Variants in DLL1 observed in about 807,000 individuals in gnomAD.
DLL1 encodes the protein delta-like protein 1.
Under a neutral mutation model 75.1 loss-of-function variants are expected in DLL1, and 9 were observed. The observed-to-expected ratio is 0.12, with a 90% CI of 0.07 to 0.21. The LOEUF is 0.21. Among genes scored for constraint, DLL1 ranks in the 10% least tolerant of loss-of-function variants. The pLI, the probability that DLL1 is intolerant of heterozygous loss-of-function variation, is 1.00. For synonymous variants in DLL1, 477 were observed against 418.3 expected, an observed-to-expected ratio of 1.14 and a Z score of -1.71; for missense variants, 837 against 1,007.6, an observed-to-expected ratio of 0.83 and a Z score of 2.29.
rs1209309472 is a variant in DLL1, at chr6:170,284,040, G to A, written c.1250-11C>T. The A allele has an allele frequency of 3.8e-6, 6 of 1,559,448 alleles. No individual in the cohort carries two copies. The highest frequency in any genetic ancestry group is 3.7e-5 in the Admixed American group (2 of 53,880). ...CCACACACTTGGCACCTGGAACACA[G>A]GGACATGAACATCACGTGTCTCCTC... On this transcript the variant is annotated splice_polypyrimidine_tract_variant and intron_variant, in intron 8 of 10. Coordinates refer to ENST00000366756, the MANE Select transcript of DLL1 (RefSeq NM_005618.4).
intron 2 of DLL1, 78 bp from the exon 3 acceptor site, chr6:170,288,867 CA>C (rs1437079592): frequency 6.6e-7 from 1 of 1,521,232 alleles, no homozygotes; most frequent in African/African-American, 1.4e-5. Flanking sequence ...TCATTCCTAA[CA>C]GCCAGGTCAG....
Position 170,290,990 on chromosome 6 carries a change from C to T in DLL1, c.-851G>A. On this transcript the variant is annotated 5_prime_UTR_variant, in exon 1 of 11. Coordinates refer to ENST00000366756, the MANE Select transcript of DLL1 (RefSeq NM_005618.4). The surrounding 1 kb of genome is among the most constrained non-coding windows in gnomAD (Gnocchi z 4.7). ...GGCCGCCCGCATGGCTAATGAGATG[C>T]AAATCAGCAGCCCCCCAATCTGGCG... 1.4e-6 allele frequency: 1 copy of T among 701,744 alleles called. No individual in the cohort carries two copies. Among genetic ancestry groups the T allele is most frequent in the Admixed American group, 2.0e-5 (1 of 49,994 alleles). The allele number at this position is 701,744 out of a possible 1,614,324, so 43.5% of individuals were successfully genotyped here.
Position 170,283,371 on chromosome 6 carries a change from G to A in DLL1, c.1908C>T (p.Tyr636=), listed in dbSNP as rs1270860941. 4 of 1,611,978 alleles carry A rather than the reference G, an allele frequency of 2.5e-6. No homozygotes were observed. Among genetic ancestry groups the A allele is most frequent in the East Asian group, 2.2e-5 (1 of 44,870 alleles). Residue 636 remains tyrosine, a synonymous_variant, in exon 9 of 11, where the codon TAC becomes TAT. Transcript: ENST00000366756. ...SADKNGFKAR[Y]PAVDYNLVQD... is the part of the protein sequence containing the mutation. The stretch of plus-strand genomic sequence containing the variant: ...GCACGAGGTTATAGTCCACCGCTGG[G>A]TAGCGGGCCTTGAAGCCATTCTTGT...
At position 170,290,806 on chromosome 6, in the gene DLL1, G is replaced by A. The variant is rs1644351547; in HGVS notation, c.-667C>T. The A allele has an allele frequency of 1.7e-6, 1 of 599,896 alleles. No individual in the cohort carries two copies. Among genetic ancestry groups the A allele is most frequent in the Non-Finnish European group, 3.0e-6 (1 of 337,088 alleles). The allele number at this position is 599,896 out of a possible 1,614,324, so 37.2% of individuals were successfully genotyped here. On this transcript the variant is annotated 5_prime_UTR_variant, in exon 1 of 11. Coordinates refer to ENST00000366756, the MANE Select transcript of DLL1 (RefSeq NM_005618.4). The surrounding 1 kb of genome is among the most constrained non-coding windows in gnomAD (Gnocchi z 4.7). Reference sequence around the variant, plus strand: ...CGATGAATCCAGCCAATGCCATCCAGTACACACGCGCAGGACCGGAGGGGC... The same window carrying A: ...CGATGAATCCAGCCAATGCCATCCAATACACACGCGCAGGACCGGAGGGGC...
rs1330156340 is a variant in DLL1, at chr6:170,290,112, C to A, written c.28G>T (p.Ala10Ser). 6.3e-7 allele frequency: 1 copy of A among 1,592,432 alleles called. No homozygotes were observed. The highest frequency in any genetic ancestry group is 1.3e-5 in the African/African-American group (1 of 74,314). The change falls in exon 1 of 11, where the codon GCG becomes TCG. Residue 10 changes from alanine to serine, a missense_variant. This residue lies in a region of DLL1 where 304 missense variants were observed against 461.9 expected (regional missense o/e 0.66). Coordinates refer to ENST00000366756, the MANE Select transcript of DLL1 (RefSeq NM_005618.4). The surrounding 1 kb of genome is among the most constrained non-coding windows in gnomAD (Gnocchi z 4.7). Reference protein sequence around the residue: MGSRCALALAVLSALLCQVW... With the variant: MGSRCALALSVLSALLCQVW... The stretch of plus-strand genomic sequence containing the variant: ...TGACACAGCAAGGCCGAGAGCACCG[C>A]CAGGGCCAGCGCGCACCGACTGCCC...
rs376469758 is a variant in DLL1 at position 170,286,333 on chromosome 6, G to A, written c.671-35C>T. On this transcript the variant is annotated intron_variant, in intron 4 of 10. Coordinates refer to ENST00000366756, the MANE Select transcript of DLL1 (RefSeq NM_005618.4). ...AAGGAAAAACAGGGTCAAGCCCCAC[G>A]CCAAGTACGTCCCAACAGGGCTGCC... is the stretch of plus-strand genomic sequence containing the variant. 8.7e-6 allele frequency: 14 copies of A among 1,613,544 alleles called. No individual in the cohort carries two copies. In the African/African-American group the frequency reaches 1.5e-4, roughly 17 times the overall value.
intron 2 of DLL1, chr6:170,289,203 T>C (rs757081660): frequency 3.9e-5 from 25 of 646,760 alleles, no homozygotes; most frequent in Middle Eastern, 4.9e-4. Context: ...ACCAGAACCT[T>C]CCCACGTGAA....
At chr6:170,285,545 C>T in intron 6 of DLL1, 24 bp downstream of exon 6, 1 of 1,614,152 alleles carries the variant, frequency 6.2e-7, no homozygotes, top group Non-Finnish European at 8.5e-7. Context: ...AGGGAGCAGG[C>T]TGCCTCAGGG....
Position 170,283,376 on chromosome 6 carries a change from G to C in DLL1, c.1903C>G (p.Arg635Gly). 6.2e-7 allele frequency: 1 copy of C among 1,611,830 alleles called. No homozygotes were observed. Among genetic ancestry groups the C allele is most frequent in the Non-Finnish European group, 8.5e-7 (1 of 1,180,024 alleles). Residue 635 changes from arginine (R) to glycine (G), a missense_variant, in exon 9 of 11, where the codon CGC (arginine) becomes GGC (glycine). By Grantham distance (125) the Arg-to-Gly change is moderately radical. Around this residue, in one of 2 missense-constraint regions of DLL1, gnomAD observed 533 missense variants for 545.7 expected, o/e 0.98. Coordinates refer to ENST00000366756, the MANE Select transcript of DLL1 (RefSeq NM_005618.4). Reference sequence around the variant, plus strand: ...AGGTTATAGTCCACCGCTGGGTAGCGGGCCTTGAAGCCATTCTTGTCGGCG... The same window carrying C: ...AGGTTATAGTCCACCGCTGGGTAGCCGGCCTTGAAGCCATTCTTGTCGGCG... ...HSADKNGFKARYPAVDYNLVQ... is the reference protein window; with the variant it reads ...HSADKNGFKAGYPAVDYNLVQ...
rs1260553960 is a variant in DLL1, at chr6:170,282,992, G to A, written c.2162C>T (p.Thr721Ile). Reference protein sequence around the residue: ...SEEKDECVIATEV With the variant: ...SEEKDECVIAIEV The stretch of plus-strand genomic sequence containing the variant: ...GCGGCTGCTGCCTGCACTGACCTCA[G>A]TTGCTATGACGCACTCATCCTTCTC... The change falls in exon 10 of 11, where the codon ACT becomes ATT. Residue 721 changes from threonine to isoleucine, a missense_variant. Around this residue, in one of 2 missense-constraint regions of DLL1, gnomAD observed 533 missense variants for 545.7 expected, o/e 0.98. Coordinates refer to ENST00000366756, the MANE Select transcript of DLL1 (RefSeq NM_005618.4). 6.2e-7 allele frequency: 1 copy of A among 1,614,050 alleles called. No homozygotes were observed. The highest frequency in any genetic ancestry group is 1.3e-5 in the African/African-American group (1 of 74,932).
rs552627625 is a variant in DLL1, at chr6:170,283,365, C to T, written c.1914G>A (p.Ala638=). 2.2e-5 allele frequency: 36 copies of T among 1,612,244 alleles called. No individual in the cohort carries two copies. In the East Asian group the frequency reaches 5.8e-4, roughly 26 times the overall value. The part of the protein sequence containing the change: ...DKNGFKARYP[A]VDYNLVQDLK... ...GGTCCTGCACGAGGTTATAGTCCAC[C>T]GCTGGGTAGCGGGCCTTGAAGCCAT... Residue 638 remains alanine, a synonymous_variant, in exon 9 of 11, where the codon GCG becomes GCA. Transcript: ENST00000366756.
At chr6:170,285,769 A>G (rs1310175749) in intron 5 of DLL1, 70 bp from the exon 6 acceptor site, 5 of 1,600,898 alleles carry the variant, frequency 3.1e-6, no homozygotes, top group Non-Finnish European at 4.3e-6. Flanking sequence ...TTCTCACCCT[A>G]GAAACCATCT....
Position 170,284,957 on chromosome 6 carries a change from T to G in DLL1, c.1211A>C (p.Lys404Thr). 1 of 1,614,154 alleles carries G rather than the reference T, an allele frequency of 6.2e-7. No homozygotes were observed. The highest frequency in any genetic ancestry group is 1.1e-5 in the South Asian group (1 of 91,088). The change falls in exon 8 of 11, where the codon AAG becomes ACG. Residue 404 changes from lysine to threonine, a missense_variant. By Grantham distance (78) the Lys-to-Thr change is moderately conservative. This residue lies in a region of DLL1 where 533 missense variants were observed against 545.7 expected (regional missense o/e 0.98). Coordinates refer to ENST00000366756, the MANE Select transcript of DLL1 (RefSeq NM_005618.4). ...PVGYSGFNCE[K>T]KIDYCSSSPC... ...TGAAGAGCTGCAGTAGTCAATTTTC[T>G]TCTCACAGTTGAAGCCGGAGTAGCC...
intron 8 of DLL1, 41 bp downstream of exon 8, chr6:170,284,878 G>T (rs762825117): frequency 6.3e-7 from 1 of 1,596,382 alleles, no homozygotes; most frequent in Non-Finnish European, 8.6e-7. Flanking sequence ...AGTATTGACC[G>T]CTCGCCCGAG....
intron 2 of DLL1, 105 bp from the exon 3 acceptor site, chr6:170,288,894 G>A (rs568110459): frequency 7.8e-7 from 1 of 1,278,616 alleles, no homozygotes; most frequent in Non-Finnish European, 1.1e-6. Context: ...GAGGCCTGAA[G>A]GCTGCAGGTC....
In DLL1 at chr6:170,285,265, C is replaced by G. The variant is rs1227038102; in HGVS notation, c.1021G>C (p.Gly341Arg). Reference protein sequence around the residue: ...ECDPSPCKNGGSCTDLENSYS... With the variant: ...ECDPSPCKNGRSCTDLENSYS... ...AGCCTCCGACTCACCGTGCAGCTCC[C>G]TCCGTTCTTACAAGGGCTGGGGTCA... The change falls in exon 7 of 11, where the codon GGG (glycine) becomes CGG (arginine). Residue 341 changes from glycine to arginine, a missense_variant. By Grantham distance (125) the Gly-to-Arg change is moderately radical. Around this residue, in one of 2 missense-constraint regions of DLL1, gnomAD observed 533 missense variants for 545.7 expected, o/e 0.98. Coordinates refer to ENST00000366756, the MANE Select transcript of DLL1 (RefSeq NM_005618.4). The G allele has an allele frequency of 6.2e-7, 1 of 1,614,194 alleles. No individual in the cohort carries two copies. Among genetic ancestry groups the G allele is most frequent in the South Asian group, 1.1e-5 (1 of 91,084 alleles).
rs1301085452 is a variant in DLL1 at position 170,289,704 on chromosome 6, C to T, written c.159G>A (p.Pro53=). 1.3e-6 allele frequency: 2 copies of T among 1,548,308 alleles called. No individual in the cohort carries two copies. The highest frequency in any genetic ancestry group is 2.4e-5 in the East Asian group (1 of 40,906). The change falls in exon 2 of 11, where the codon CCG becomes CCA. Residue 53 remains proline (P), a synonymous_variant. Coordinates refer to ENST00000366756, the MANE Select transcript of DLL1 (RefSeq NM_005618.4). ...CGCGGAAGAAGGTCCGGCAGGCGCA[C>T]GGCGGTGGCCCCGCGCCCCCGCGGC... ...NCCRGGAGPP[P]CACRTFFRVC... is the part of the protein sequence containing the mutation.
Position 170,282,681 on chromosome 6 carries a change from C to T in DLL1, c.*193G>A. The T allele has an allele frequency of 2.4e-6, 2 of 823,024 alleles. No homozygotes were observed. The highest frequency in any genetic ancestry group is 3.0e-5 in the South Asian group (2 of 65,832). 51.0% of individuals were successfully genotyped at this position (823,024 alleles called of 1,614,324 possible). A position where few individuals can be genotyped will look rare whatever the true frequency, so the allele number is the denominator to read the frequency against. On this transcript the variant is annotated 3_prime_UTR_variant, in exon 11 of 11. Transcript: ENST00000366756. ...GGCGACGTCACGGAAGGCAGTGCCG[C>T]AGGCGGCCGGGCCGCGACAGGCTGT...
chr6:170,284,065 C>A (rs369260528), intron 8 of DLL1, 36 bp from the exon 9 acceptor site: 2 of 1,538,710 alleles, frequency 1.3e-6, no homozygotes, highest in Non-Finnish European at 1.7e-6. Context: ...CGTGTCTCCT[C>A]GTAGGTTTGT....
Sources: gnomAD v4.1 joint callset for allele counts on GRCh38, gnomAD v4.1.1 for gene constraint, gnomAD v4.1.1 regional missense constraint, Gnocchi (gnomAD v3.1) non-coding constraint, MANE v1.5 for transcripts, NCBI Gene and HGNC (gene_info 2026-07-23, HGNC 2026-07-21) for gene names.